The following AFDN variants were observed in gnomAD, a reference collection of about 807,000 sequenced individuals.
AFDN encodes the protein afadin, adherens junction formation factor.
A neutral mutation model predicts 216.6 loss-of-function variants in AFDN; 68 were observed. The ratio of observed to expected loss-of-function variants is 0.31; its 90% CI spans 0.26 to 0.38. The LOEUF (loss-of-function observed/expected upper bound fraction) is 0.38, where lower values mean the gene tolerates loss of function less well. AFDN is among the 10% of genes least tolerant of loss of function. AFDN has a pLI of 1.00. For synonymous variants in AFDN, 868 were observed against 853.7 expected (o/e 1.02, Z -0.29); for missense variants, 2,136 against 2,342.0 (o/e 0.91, Z 1.82).
chr6:167,923,812 A>G (rs1330352390), intron 22 of AFDN, among the ~76,000 whole-genome samples: 1 of 151,860 alleles, frequency 6.6e-6, no homozygotes, highest in Non-Finnish European at 1.5e-5. Context: ...TTTAGTAGAG[A>G]CGGGGATTCA....
At chr6:167,871,017 C>T (rs889331011) in intron 3 of AFDN, among the ~76,000 whole-genome samples, 2 of 152,142 alleles carry the variant, frequency 1.3e-5, no homozygotes, top group African/African-American at 4.8e-5. Flanking sequence ...TGTGCTAAAT[C>T]AAGTGGCATC....
chr6:167,883,998 G>A (rs758177749), intron 6 of AFDN, among the ~76,000 whole-genome samples: 2 of 152,216 alleles, frequency 1.3e-5, no homozygotes, highest in Non-Finnish European at 2.9e-5. Context: ...TATCAACTAA[G>A]TTTATATAAT....
At chr6:167,826,879 C>CGGCGGGCG (rs1562507095), upstream of AFDN, 3 of 137,748 alleles carry the variant, frequency 2.2e-5, no homozygotes, top group Non-Finnish European at 4.9e-5. Flanking sequence ...GGGGCGCGGG[C>CGGCGGGCG]GGGTGCGGGC....
rs1393780694 is a variant in AFDN, at chr6:167,970,700, CTG to C, written c.*767_*768del. The C allele has an allele frequency of 4.7e-6, 1 of 210,904 alleles. No homozygotes were observed. Among genetic ancestry groups the C allele is most frequent in the Non-Finnish European group, 9.6e-6 (1 of 104,182 alleles). The allele number at this position is 210,904 out of a possible 1,614,324, so 13.1% of individuals were successfully genotyped here. A position where few individuals can be genotyped will look rare whatever the true frequency, so the allele number is the denominator to read the frequency against. On this transcript the variant is annotated 3_prime_UTR_variant, in exon 34 of 34. Transcript: ENST00000683244. Reference sequence around the variant, plus strand: ...GATTATTGTTAGACTTAATAAATCACTGTTAAATTTAAAGATGACAGTTACCT... The same window carrying C: ...GATTATTGTTAGACTTAATAAATCACTTAAATTTAAAGATGACAGTTACCT...
intron 17 of AFDN, 118 bp from the exon 18 acceptor site, chr6:167,914,525 AC>A: frequency 1.1e-6 from 1 of 913,698 alleles, no homozygotes; most frequent in Non-Finnish European, 1.6e-6. Context: ...TCAAGATTCC[AC>A]ATTTTTTTTT....
chr6:167,948,544 A>G, intron 29 of AFDN, 66 bp downstream of exon 29: 1 of 1,443,886 alleles, frequency 6.9e-7, no homozygotes, highest in Non-Finnish European at 9.5e-7. Flanking sequence ...GTTCTGAGAC[A>G]CAATTAATAT....
At position 167,898,481 on chromosome 6, in the gene AFDN, C is replaced by T; in HGVS notation, c.1580+14C>T. 1 of 1,606,982 alleles carries T rather than the reference C, an allele frequency of 6.2e-7. No individual in the cohort carries two copies. The highest frequency in any genetic ancestry group is 8.5e-7 in the Non-Finnish European group (1 of 1,175,378). Reference sequence around the variant, plus strand: ...ACATAAACCTGGGTAAATAGATTAACCCTAAGATTTAAAATGTTTTGATTA... The same window carrying T: ...ACATAAACCTGGGTAAATAGATTAATCCTAAGATTTAAAATGTTTTGATTA... On this transcript the variant is annotated intron_variant, in intron 11 of 33. Transcript: ENST00000683244.
chr6:167,833,468 T>C (rs1327877430), intron 1 of AFDN, among the ~76,000 whole-genome samples: 2 of 152,212 alleles, frequency 1.3e-5, no homozygotes, highest in African/African-American at 4.8e-5. Flanking sequence ...GTTCTCTTGC[T>C]TGAGTTCATA....
At chr6:167,927,710 G>A (rs947063031) in intron 23 of AFDN, among the ~76,000 whole-genome samples, 9 of 152,164 alleles carry the variant, frequency 5.9e-5, no homozygotes, top group Non-Finnish European at 1.2e-4. Flanking sequence ...GCAGAGGGTA[G>A]TCCAGGGCCC....
Position 167,922,796 on chromosome 6 carries a change from G to A in AFDN, c.2909-60G>A, listed in dbSNP as rs1791995821. The A allele has an allele frequency of 7.0e-6, 8 of 1,142,736 alleles. No individual in the cohort carries two copies. The Admixed American group carries it at 7.2e-5, about 10-fold the overall frequency. 70.8% of individuals were successfully genotyped at this position (1,142,736 alleles called of 1,614,324 possible). A position where few individuals can be genotyped will look rare whatever the true frequency, so the allele number is the denominator to read the frequency against. ...TATTAAGCAATTGGTAATTAATCTTGCTTCCTTTATCTTGACAAGATGTGC... is the reference window on the plus strand; with the variant it reads ...TATTAAGCAATTGGTAATTAATCTTACTTCCTTTATCTTGACAAGATGTGC... On this transcript the variant is annotated intron_variant, in intron 21 of 33. Transcript: ENST00000683244.
At chr6:167,932,877 G>A (rs1407578397) in intron 23 of AFDN, 2 of 152,204 alleles carry the variant, frequency 1.3e-5, no homozygotes, top group Non-Finnish European at 1.5e-5. Flanking sequence ...TGCTCATGAA[G>A]CAACAACCGT....
At chr6:167,840,130 C>T (rs554248579) in intron 1 of AFDN, among the ~76,000 whole-genome samples, 2 of 152,296 alleles carry the variant, frequency 1.3e-5, no homozygotes, top group South Asian at 2.1e-4. Flanking sequence ...TTTGTCAAGT[C>T]AGGGAAGCTT....
chr6:167,898,676 A>G (rs1480012831), intron 11 of AFDN, among the ~76,000 whole-genome samples: 1 of 152,168 alleles, frequency 6.6e-6, no homozygotes, highest in Non-Finnish European at 1.5e-5. Flanking sequence ...GGAATTTCTC[A>G]CTGGTTTTAA....
chr6:167,865,042 A>G (rs1045685981), intron 2 of AFDN, among the ~76,000 whole-genome samples: 3 of 152,214 alleles, frequency 2.0e-5, no homozygotes, highest in Non-Finnish European at 2.9e-5. Context: ...GGTGTCACAT[A>G]CATTGTGTAG....
rs1454697186 is a variant in AFDN at position 167,914,273 on chromosome 6, G to A, written c.2164G>A (p.Ala722Thr). 3 of 1,614,028 alleles carry A rather than the reference G, an allele frequency of 1.9e-6. No individual in the cohort carries two copies. The highest frequency in any genetic ancestry group is 2.5e-6 in the Non-Finnish European group (3 of 1,180,024). The change falls in exon 17 of 34, where the codon GCT (alanine) becomes ACT (threonine). Residue 722 changes from alanine to threonine, a missense_variant. Coordinates refer to ENST00000683244, the MANE Select transcript of AFDN (RefSeq NM_001386888.1). ...AGACCTTAGTCGGATCACACTGGAT[G>A]CTCAAGATGTTTTAGCACATTTGGT... ...DRDLSRITLD[A>T]QDVLAHLVQM...
intron 6 of AFDN, among the ~76,000 whole-genome samples, chr6:167,887,814 CT>C (rs1787057659): frequency 6.6e-6 from 1 of 152,030 alleles, no homozygotes; most frequent in African/African-American, 2.4e-5. Flanking sequence ...ATTATTTTAT[CT>C]ATTTAATTAT....
intron 23 of AFDN, among the ~76,000 whole-genome samples, chr6:167,925,570 GTC>G (rs1047210901): frequency 2.0e-5 from 3 of 152,176 alleles, no homozygotes; most frequent in African/African-American, 7.2e-5. Context: ...CTTCCAGTAA[GTC>G]TGGTGTGGAG....
At chr6:167,827,379 C>G (rs1161000053) in intron 1 of AFDN, 142 bp downstream of exon 1, 1 of 150,588 alleles carries the variant, frequency 6.6e-6, no homozygotes, top group Non-Finnish European at 1.4e-5. Flanking sequence ...CCTCCCCCTC[C>G]CCCAGGCCCA....
chr6:167,864,285 T>C (rs745456655), intron 1 of AFDN: 39 of 663,744 alleles, frequency 5.9e-5, no homozygotes, highest in Admixed American at 4.3e-4. Flanking sequence ...CAAGGACCAA[T>C]AGATGTTAGC....
Sources: gnomAD v4.1 joint callset for allele counts (sites outside exome capture counted in the v4.1 genomes callset) on GRCh38, gnomAD v4.1.1 for gene constraint, MANE v1.5 for transcripts, NCBI Gene and HGNC (gene_info 2026-07-23, HGNC 2026-07-21) for gene names.